Variants in THRB observed in about 807,000 individuals in gnomAD.
THRB encodes the protein thyroid hormone receptor beta.
A neutral mutation model predicts 47.8 loss-of-function variants in THRB; 12 were observed. The ratio of observed to expected loss-of-function variants is 0.25; its 90% CI spans 0.16 to 0.41. The LOEUF is 0.41. Ranked by LOEUF, THRB falls within the 10% of genes least tolerant of loss-of-function variation. THRB has a pLI of 1.00. For synonymous variants in THRB, 218 were observed against 212.2 expected, an observed-to-expected ratio of 1.03 and a Z score of -0.24; for missense variants, 348 against 589.2, an observed-to-expected ratio of 0.59 and a Z score of 4.24.
intron 2 of THRB, among the ~76,000 whole-genome samples, chr3:24,306,392 C>G (rs150066010): frequency 6.6e-5 from 10 of 152,264 alleles, no homozygotes; most frequent in South Asian, 4.1e-4. Context: ...ACAGAGGGCT[C>G]TGGTTCCTCA....
At chr3:24,147,745 T>C (rs2036288670) in intron 6 of THRB, among the ~76,000 whole-genome samples, 1 of 152,220 alleles carries the variant, frequency 6.6e-6, no homozygotes, top group Non-Finnish European at 1.5e-5. Context: ...TGCTAAGTGC[T>C]GTAGAAACAT....
intron 4 of THRB, among the ~76,000 whole-genome samples, chr3:24,206,425 C>T (rs2045363164): frequency 6.6e-6 from 1 of 152,076 alleles, no homozygotes; most frequent in African/African-American, 2.4e-5. Context: ...AAAATGAAGG[C>T]AGTAATAAAG....
At chr3:24,436,314 A>G (rs561058674) in intron 1 of THRB, among the ~76,000 whole-genome samples, 3 of 152,206 alleles carry the variant, frequency 2.0e-5, no homozygotes, top group African/African-American at 7.2e-5. Flanking sequence ...GGAACATAAG[A>G]ACTACATACA....
At chr3:24,253,983 CTG>C (rs1433015186) in intron 3 of THRB, among the ~76,000 whole-genome samples, 1 of 149,730 alleles carries the variant, frequency 6.7e-6, no homozygotes, top group African/African-American at 2.5e-5. Context: ...ACAAGGAAAG[CTG>C]TTATCATTTT....
At chr3:24,256,792 G>A (rs2051333498) in intron 3 of THRB, among the ~76,000 whole-genome samples, 1 of 152,194 alleles carries the variant, frequency 6.6e-6, no homozygotes, top group African/African-American at 2.4e-5. Context: ...ATGAGAGCAA[G>A]GGAGGACAAA....
chr3:24,229,776 A>T (rs1441157546), intron 3 of THRB, among the ~76,000 whole-genome samples: 1 of 152,170 alleles, frequency 6.6e-6, no homozygotes, highest in African/African-American at 2.4e-5. Context: ...ACAGATTAGG[A>T]TTAGCTTTCT....
chr3:24,336,866 C>A (rs550170871), intron 2 of THRB, among the ~76,000 whole-genome samples: 2 of 151,916 alleles, frequency 1.3e-5, no homozygotes, highest in Non-Finnish European at 2.9e-5. Flanking sequence ...GGACTACAGG[C>A]GCCCACCACC....
At chr3:24,474,324 A>G (rs1198510172) in intron 1 of THRB, among the ~76,000 whole-genome samples, 2 of 152,226 alleles carry the variant, frequency 1.3e-5, no homozygotes, top group Non-Finnish European at 2.9e-5. Flanking sequence ...ACTATCCTCA[A>G]AATTTAGTCT....
At position 24,250,463 on chromosome 3, in the gene THRB, G is replaced by GA. The variant is rs1264564446; in HGVS notation, c.-42-21463dup. On this transcript the variant is annotated intron_variant, in intron 3 of 10. Coordinates refer to ENST00000646209, the MANE Select transcript of THRB (RefSeq NM_001354712.2). ...TGTAATCCCAGCACTTTGGGAGGCT[G>GA]AGGCAGGAGGATTGCTTGAGGCCAA... 4.5e-4 allele frequency among the ~76,000 whole-genome samples: 69 copies of GA among 152,312 alleles called. 1 individual carries two copies. Among genetic ancestry groups the GA allele is most frequent in the African/African-American group, 1.6e-3 (67 of 41,582 alleles).
chr3:24,152,503 T>A lies in THRB; in HGVS notation c.284-13A>T, dbSNP rs758051356. 4.5e-6 allele frequency: 6 copies of A among 1,335,370 alleles called. No individual in the cohort carries two copies. Among genetic ancestry groups the A allele is most frequent in the Non-Finnish European group, 6.5e-6 (6 of 926,474 alleles). The allele number at this position is 1,335,370 out of a possible 1,614,324, so 82.7% of individuals were successfully genotyped here. ...CTGGGGATGTACCCTGTGAAGGAAA[T>A]AAAAGAAGGAATATTAAAAAATAAT... On this transcript the variant is annotated splice_polypyrimidine_tract_variant and intron_variant, in intron 5 of 10. Coordinates refer to ENST00000646209, the MANE Select transcript of THRB (RefSeq NM_001354712.2).
chr3:24,344,585 A>C (rs2062887547), intron 1 of THRB, among the ~76,000 whole-genome samples: 1 of 152,110 alleles, frequency 6.6e-6, no homozygotes. Context: ...TGTAAAAAAA[A>C]TCCTCTAATG....
chr3:24,394,184 A>G (rs1205712133), intron 1 of THRB, among the ~76,000 whole-genome samples: 2 of 152,050 alleles, frequency 1.3e-5, no homozygotes, highest in Non-Finnish European at 1.5e-5. Context: ...TTGTTTCTTG[A>G]GGTAAAAGAG....
Position 24,143,536 on chromosome 3 carries a change from G to A in THRB, c.703C>T (p.Gln235Ter). The change falls in exon 8 of 11, where the codon CAA (glutamine) becomes TAA (stop). Residue 235 changes from glutamine to a stop codon, truncating the protein, a stop_gained. Transcript: ENST00000646209. LOFTEE classifies it high-confidence loss of function. ...VTEAHVATNAQGSHWKQKRKF... is the reference protein window; with the variant it reads ...VTEAHVATNA ...CGTTTTTGCTTCCAGTGGCTGCCTT[G>A]GGCGTTGGTCGCCACATGGGCTTCG... 1 of 1,614,178 alleles carries A rather than the reference G, an allele frequency of 6.2e-7. No homozygotes were observed. Among genetic ancestry groups the A allele is most frequent in the Non-Finnish European group, 8.5e-7 (1 of 1,180,030 alleles).
chr3:24,416,901 C>A (rs1022199323), intron 1 of THRB, among the ~76,000 whole-genome samples: 4 of 151,874 alleles, frequency 2.6e-5, no homozygotes, highest in African/African-American at 9.7e-5. Flanking sequence ...GAGTTTATTT[C>A]TAACTGCTTT....
chr3:24,445,845 T>C (rs936480855), intron 1 of THRB, among the ~76,000 whole-genome samples: 1 of 152,218 alleles, frequency 6.6e-6, no homozygotes, highest in Non-Finnish European at 1.5e-5. Context: ...AGCATAAACA[T>C]TCAACCATAG....
At chr3:24,208,053 CA>C (rs1471061524) in intron 4 of THRB, among the ~76,000 whole-genome samples, 2 of 151,974 alleles carry the variant, frequency 1.3e-5, no homozygotes, top group African/African-American at 4.8e-5. Flanking sequence ...ACACCAATAA[CA>C]GACAAACAGA....
chr3:24,284,322 C>A (rs1374452764), intron 3 of THRB, among the ~76,000 whole-genome samples: 6 of 151,660 alleles, frequency 4.0e-5, no homozygotes, highest in Admixed American at 2.6e-4. Context: ...GAAAAACAAG[C>A]AATGGGGAAA....
chr3:24,129,987 G>A (rs759327530), intron 9 of THRB, among the ~76,000 whole-genome samples: 2 of 152,118 alleles, frequency 1.3e-5, no homozygotes, highest in Non-Finnish European at 2.9e-5. Context: ...GAGACCCCTG[G>A]CTCTCAAGAC....
At chr3:24,196,032 G>A (rs116650802) in intron 4 of THRB, among the ~76,000 whole-genome samples, 4 of 152,216 alleles carry the variant, frequency 2.6e-5, no homozygotes, top group African/African-American at 7.2e-5. Context: ...ACTTGCAAAA[G>A]AGCCTTATGA....
Sources: allele counts gnomAD v4.1 joint callset (sites outside exome capture counted in the v4.1 genomes callset), GRCh38; gene constraint gnomAD v4.1.1; transcripts MANE v1.5; gene names NCBI Gene and HGNC (gene_info 2026-07-23, HGNC 2026-07-21).